The following ERGIC1 variants were observed in gnomAD, a reference collection of about 807,000 sequenced individuals.
ERGIC1 encodes the protein endoplasmic reticulum-Golgi intermediate compartment protein 1.
A neutral mutation model predicts 38.3 loss-of-function variants in ERGIC1; 19 were observed. That is an observed-to-expected ratio of 0.50 (90% CI 0.35 to 0.73). The LOEUF (loss-of-function observed/expected upper bound fraction) is 0.73. ERGIC1 is among the 30% of genes least tolerant of loss of function. The pLI is 0.01. For missense variants in ERGIC1, 294 were observed against 389.2 expected (o/e 0.76, Z 2.06); for synonymous variants, 124 against 157.6 (o/e 0.79, Z 1.60).
chr5:172,848,009 A>T (rs373148885), intron 1 of ERGIC1, among the ~76,000 whole-genome samples: 40 of 152,340 alleles, frequency 2.6e-4, no homozygotes, highest in African/African-American at 8.2e-4. Context: ...GGGTTTGTTA[A>T]AAAAGAGATA....
chr5:172,880,803 G>C (rs969388428), intron 1 of ERGIC1, among the ~76,000 whole-genome samples: 2 of 152,254 alleles, frequency 1.3e-5, no homozygotes, highest in African/African-American at 4.8e-5. Flanking sequence ...TGGGGTCTCT[G>C]TTTGGGTTCT....
chr5:172,885,770 C>T (rs114296988), intron 1 of ERGIC1, among the ~76,000 whole-genome samples: 307 of 152,318 alleles, frequency 2.0e-3, no homozygotes, highest in African/African-American at 7.0e-3. Flanking sequence ...CCAGGCTGGC[C>T]TTCCTATGAC....
intron 9 of ERGIC1, among the ~76,000 whole-genome samples, chr5:172,938,969 A>T (rs1195165015): frequency 6.6e-6 from 1 of 152,010 alleles, no homozygotes; most frequent in Non-Finnish European, 1.5e-5. Context: ...AGGGTGAGGC[A>T]GGAGAATTGC....
At chr5:172,848,692 A>C (rs980864498) in intron 1 of ERGIC1, among the ~76,000 whole-genome samples, 4 of 152,208 alleles carry the variant, frequency 2.6e-5, no homozygotes, top group African/African-American at 9.7e-5. Context: ...GTGGGTGGTC[A>C]GTAAATATTG....
intron 5 of ERGIC1, chr5:172,918,217 G>T (rs569179949): frequency 6.6e-6 from 1 of 152,290 alleles, no homozygotes; most frequent in South Asian, 2.1e-4. Context: ...CTTATTTGAT[G>T]CATCAGTAAA....
intron 1 of ERGIC1, among the ~76,000 whole-genome samples, chr5:172,885,476 T>C (rs139219498): frequency 6.6e-6 from 1 of 152,278 alleles, no homozygotes; most frequent in African/African-American, 2.4e-5. Flanking sequence ...TTTCTGCTTG[T>C]CGGTCCCTGA....
chr5:172,869,501 G>A (rs793022), intron 1 of ERGIC1, among the ~76,000 whole-genome samples: 113,881 of 152,076 alleles, frequency 0.75, 43,446 homozygotes, highest in Non-Finnish European at 0.83. Context: ...CAGACCCCTC[G>A]GCTGGGCTCA....
chr5:172,935,094 T>C lies in ERGIC1; in HGVS notation c.643-94T>C. 2.5e-6 allele frequency: 4 copies of C among 1,588,486 alleles called. No individual in the cohort carries two copies. In the South Asian group the frequency reaches 4.4e-5, roughly 18 times the overall value. ...GTGGGGCAGAGAGGGAGGAAAGCCCTTTCTGGAGGGTTGCTGGGGGGCCCT... is the reference window on the plus strand; with the variant it reads ...GTGGGGCAGAGAGGGAGGAAAGCCCCTTCTGGAGGGTTGCTGGGGGGCCCT... On this transcript the variant is annotated intron_variant, in intron 8 of 9. Transcript: ENST00000393784.
rs1178342240 is a variant in ERGIC1, at chr5:172,948,354, C to T, written c.766-2355C>T. Among the ~76,000 whole-genome samples the T allele has an allele frequency of 6.6e-5, 10 of 152,338 alleles. No homozygotes were observed. The East Asian group carries it at 1.9e-3, about 29-fold the overall frequency. On this transcript the variant is annotated intron_variant, in intron 9 of 9. Transcript: ENST00000393784. ...CTTCCCTCTCGCCTTTGCTATGTCTCCCAGCCTCCCACCACTGGGCACCAG... is the reference window on the plus strand; with the variant it reads ...CTTCCCTCTCGCCTTTGCTATGTCTTCCAGCCTCCCACCACTGGGCACCAG...
At chr5:172,841,092 T>C (rs910649439) in intron 1 of ERGIC1, among the ~76,000 whole-genome samples, 1 of 152,234 alleles carries the variant, frequency 6.6e-6, no homozygotes, top group African/African-American at 2.4e-5. Context: ...ACAGCCCTAA[T>C]TGATCCTTTA....
At chr5:172,862,238 G>A (rs185560362) in intron 1 of ERGIC1, among the ~76,000 whole-genome samples, 3 of 127,412 alleles carry the variant, frequency 2.4e-5, no homozygotes, top group Non-Finnish European at 4.6e-5. Flanking sequence ...TCTGCCCACC[G>A]CAGCCTTCCA....
In ERGIC1 at chr5:172,923,014, C is replaced by T. The variant is rs146933522; in HGVS notation, c.376-991C>T. ...ACAGGGTTTCAGCTGATGGATGGGA[C>T]GTCGGGAGTGAGAAAGGGGGGTTCC... On this transcript the variant is annotated intron_variant, in intron 5 of 9. Transcript: ENST00000393784. Among the ~76,000 whole-genome samples, 458 of 151,776 alleles carry T rather than the reference C, an allele frequency of 3.0e-3. 1 individual carries two copies. The highest frequency in any genetic ancestry group is 0.021 in the Middle Eastern group (6 of 292).
chr5:172,891,661 A>G lies in ERGIC1; in HGVS notation c.82+2901A>G, dbSNP rs536761558. Among the ~76,000 whole-genome samples, 84 of 152,236 alleles carry G rather than the reference A, an allele frequency of 5.5e-4. 1 individual carries two copies. The Middle Eastern group carries it at 0.01, about 18-fold the overall frequency. On this transcript the variant is annotated intron_variant, in intron 2 of 9. Coordinates refer to ENST00000393784, the MANE Select transcript of ERGIC1 (RefSeq NM_001031711.3). ...CACCATGTTGGCCAGGCTGGTCTCG[A>G]ACTCCTGACCTCAAGTGATCCGCCT...
chr5:172,880,861 T>C (rs1362338847), intron 1 of ERGIC1, among the ~76,000 whole-genome samples: 2 of 152,220 alleles, frequency 1.3e-5, no homozygotes, highest in Non-Finnish European at 2.9e-5. Context: ...CAGTCCCCAC[T>C]CCCATTCCCT....
chr5:172,943,895 T>C (rs1043701596), intron 9 of ERGIC1, among the ~76,000 whole-genome samples: 1 of 151,658 alleles, frequency 6.6e-6, no homozygotes, highest in Non-Finnish European at 1.5e-5. Context: ...CCTTCTCATA[T>C]TATAAGGAAT....
chr5:172,940,265 G>A (rs1480791174), intron 9 of ERGIC1, among the ~76,000 whole-genome samples: 8 of 152,148 alleles, frequency 5.3e-5, no homozygotes, highest in Non-Finnish European at 8.8e-5. Flanking sequence ...TTTCCTCCTG[G>A]AAGTCTTTAG....
intron 1 of ERGIC1, among the ~76,000 whole-genome samples, chr5:172,868,166 G>C (rs867067414): frequency 6.6e-6 from 1 of 152,194 alleles, no homozygotes; most frequent in Non-Finnish European, 1.5e-5. Context: ...CCTTACATGC[G>C]TTTCTGCATT....
chr5:172,901,116 C>T (rs895712086), intron 3 of ERGIC1, among the ~76,000 whole-genome samples: 4 of 152,174 alleles, frequency 2.6e-5, no homozygotes, highest in African/African-American at 9.7e-5. Flanking sequence ...GGGGTCAGTG[C>T]CCCCTCCCGC....
intron 9 of ERGIC1, among the ~76,000 whole-genome samples, chr5:172,944,439 A>G (rs1055103475): frequency 1.3e-5 from 2 of 151,610 alleles, no homozygotes; most frequent in East Asian, 1.9e-4. Flanking sequence ...GCTCACTGCA[A>G]CCTCCACCTT....
Sources: allele counts gnomAD v4.1 joint callset (sites outside exome capture counted in the v4.1 genomes callset), GRCh38; gene constraint gnomAD v4.1.1; transcripts MANE v1.5; gene names NCBI Gene and HGNC (gene_info 2026-07-23, HGNC 2026-07-21).